MGAT4C: variants seen among roughly 807,000 people sequenced by gnomAD.
MGAT4C encodes alpha-1,3-mannosyl-glycoprotein 4-beta-N-acetylglucosaminyltransferase C.
MGAT4C carries 19 observed loss-of-function variants against 40.1 expected under a neutral mutation model. The ratio of observed to expected loss-of-function variants is 0.47; its 90% CI spans 0.33 to 0.70. The LOEUF (loss-of-function observed/expected upper bound fraction) is 0.70. Ranked by LOEUF, MGAT4C falls within the 30% of genes least tolerant of loss-of-function variation. The probability of loss-of-function intolerance (pLI) is 0.02; values close to 1 mark genes in which losing one functional copy is unlikely to be tolerated. For missense variants in MGAT4C, 491 were observed against 563.2 expected, an observed-to-expected ratio of 0.87 and a Z score of 1.30; for synonymous variants, 181 against 187.1, an observed-to-expected ratio of 0.97 and a Z score of 0.27.
intron 1 of MGAT4C, among the ~76,000 whole-genome samples, chr12:86,095,332 A>T (rs1287124553): frequency 1.3e-5 from 2 of 152,066 alleles, no homozygotes; most frequent in East Asian, 1.9e-4. Flanking sequence ...TTTTAAAATT[A>T]ATTAAAATAT....
At chr12:86,713,444 C>A (rs1335949285) in intron 2 of MGAT4C, among the ~76,000 whole-genome samples, 1 of 151,950 alleles carries the variant, frequency 6.6e-6, no homozygotes, top group Non-Finnish European at 1.5e-5. Context: ...GTTCTCACAT[C>A]ATAATGAATG....
chr12:86,397,095 G>A (rs763165203), intron 3 of MGAT4C, among the ~76,000 whole-genome samples: 3 of 151,952 alleles, frequency 2.0e-5, no homozygotes, highest in Non-Finnish European at 2.9e-5. Flanking sequence ...TGATTATTAT[G>A]CCCATTAGTA....
chr12:86,502,239 C>A (rs1958358625), intron 2 of MGAT4C, among the ~76,000 whole-genome samples: 1 of 151,922 alleles, frequency 6.6e-6, no homozygotes, highest in Non-Finnish European at 1.5e-5. Context: ...GTGAGAGAAG[C>A]AAATCCTAAA....
chr12:86,675,164 G>C (rs988985590), intron 2 of MGAT4C, among the ~76,000 whole-genome samples: 2 of 152,170 alleles, frequency 1.3e-5, no homozygotes, highest in Non-Finnish European at 2.9e-5. Context: ...TAGTACCCAA[G>C]AGATGACCCC....
At chr12:86,778,355 T>A (rs1951778547) in intron 1 of MGAT4C, among the ~76,000 whole-genome samples, 1 of 152,184 alleles carries the variant, frequency 6.6e-6, no homozygotes, top group Non-Finnish European at 1.5e-5. Flanking sequence ...CTTGTTTAGA[T>A]GCATTCTACA....
At chr12:86,509,300 C>T (rs1958529907) in intron 2 of MGAT4C, among the ~76,000 whole-genome samples, 1 of 152,128 alleles carries the variant, frequency 6.6e-6, no homozygotes, top group African/African-American at 2.4e-5. Context: ...TTTCCCAGCA[C>T]CATTTATTTA....
intron 2 of MGAT4C, among the ~76,000 whole-genome samples, chr12:86,593,318 A>G (rs926341560): frequency 1.3e-5 from 2 of 152,018 alleles, no homozygotes; most frequent in Non-Finnish European, 2.9e-5. Context: ...TGTTTCAAAG[A>G]ATCAGCTTTT....
intron 3 of MGAT4C, among the ~76,000 whole-genome samples, chr12:86,418,914 G>C (rs1956771070): frequency 1.3e-5 from 2 of 152,198 alleles, no homozygotes; most frequent in South Asian, 4.1e-4. Context: ...ACAGTAGAAA[G>C]TTGAGGTCAA....
chr12:86,128,074 C>T (rs1425687612), intron 1 of MGAT4C, among the ~76,000 whole-genome samples: 1 of 152,160 alleles, frequency 6.6e-6, no homozygotes, highest in Non-Finnish European at 1.5e-5. Context: ...AAATGACAGG[C>T]AGTGCAATAT....
At chr12:86,508,744 C>T (rs61950803) in intron 2 of MGAT4C, among the ~76,000 whole-genome samples, 2,316 of 147,398 alleles carry the variant, frequency 0.016, 19 homozygotes, top group East Asian at 0.037. Context: ...TTTTAATGAT[C>T]GCCATTCTAA....
In MGAT4C at chr12:86,342,494, C is replaced by A. The variant is rs140590966; in HGVS notation, c.-119-8367G>T. Among the ~76,000 whole-genome samples the A allele has an allele frequency of 4.9e-4, 75 of 152,258 alleles. No homozygotes were observed. The East Asian group carries it at 0.01, about 20-fold the overall frequency. On this transcript the variant is annotated intron_variant, in intron 3 of 7. Coordinates refer to the MGAT4C transcript ENST00000548651. ...TTGGGCTAATGAAGGAGCAAAGACC[C>A]TAAGTGCCTCATCCACACCTCCATC...
chr12:86,084,347 A>C (rs1871356965), intron 1 of MGAT4C, among the ~76,000 whole-genome samples: 1 of 152,048 alleles, frequency 6.6e-6, no homozygotes, highest in South Asian at 2.1e-4. Context: ...ATTGTACCAG[A>C]GTATTAAAAG....
chr12:86,505,253 G>A (rs1040926672), intron 2 of MGAT4C, among the ~76,000 whole-genome samples: 2 of 151,934 alleles, frequency 1.3e-5, no homozygotes, highest in African/African-American at 2.4e-5. Context: ...CCTAATGCAA[G>A]CAGATACAAG....
chr12:86,611,496 A>AGAT (rs1555210997), intron 2 of MGAT4C, among the ~76,000 whole-genome samples: 3 of 151,836 alleles, frequency 2.0e-5, no homozygotes, highest in Admixed American at 6.6e-5. Flanking sequence ...ATAGATAGAT[A>AGAT]GATACATGTT....
chr12:86,324,724 C>A (rs1241813609), intron 4 of MGAT4C, among the ~76,000 whole-genome samples: 1 of 151,408 alleles, frequency 6.6e-6, no homozygotes, highest in Non-Finnish European at 1.5e-5. Context: ...TTGTGCAAAG[C>A]AAATTAGAAA....
chr12:86,535,783 A>T (rs1454882109), intron 2 of MGAT4C, among the ~76,000 whole-genome samples: 1 of 152,114 alleles, frequency 6.6e-6, no homozygotes, highest in African/African-American at 2.4e-5. Context: ...GTTTGGGATT[A>T]TCACATTTGT....
At chr12:86,810,581 T>A (rs1298235648) in intron 1 of MGAT4C, among the ~76,000 whole-genome samples, 1 of 151,940 alleles carries the variant, frequency 6.6e-6, no homozygotes, top group Non-Finnish European at 1.5e-5. Context: ...TGTCAATGGA[T>A]ATGATCAACA....
At chr12:86,608,231 G>GTA (rs1962113802) in intron 2 of MGAT4C, among the ~76,000 whole-genome samples, 1 of 151,884 alleles carries the variant, frequency 6.6e-6, no homozygotes, top group Non-Finnish European at 1.5e-5. Flanking sequence ...CAAAATAGAT[G>GTA]TATCACATAA....
chr12:86,551,781 T>C (rs571848046), intron 2 of MGAT4C, among the ~76,000 whole-genome samples: 1 of 152,258 alleles, frequency 6.6e-6, no homozygotes, highest in Non-Finnish European at 1.5e-5. Context: ...ACCACTGCCA[T>C]AAATTCTCTC....
Sources: allele counts gnomAD v4.1 joint callset (sites outside exome capture counted in the v4.1 genomes callset), GRCh38; gene constraint gnomAD v4.1.1; transcripts MANE v1.5; gene names NCBI Gene and HGNC (gene_info 2026-07-23, HGNC 2026-07-21).